TENM2: variants seen among roughly 807,000 people sequenced by gnomAD.
TENM2 encodes teneurin-2.
Under a neutral mutation model 245.2 loss-of-function variants are expected in TENM2, and 52 were observed. The ratio of observed to expected loss-of-function variants is 0.21; its 90% CI spans 0.17 to 0.27. The LOEUF is 0.27. TENM2 is among the 10% of genes least tolerant of loss of function. The pLI, the probability that TENM2 is intolerant of heterozygous loss-of-function variation, is 1.00. For synonymous variants in TENM2, 1,363 were observed against 1,438.9 expected (o/e 0.95, Z 1.19); for missense variants, 3,046 against 3,666.8 (o/e 0.83, Z 4.37).
chr5:167,155,640 C>T, the TENM2 span, among the ~76,000 whole-genome samples: 1 of 152,162 alleles, frequency 6.6e-6, no homozygotes, highest in Admixed American at 6.5e-5. Context: ...TAGTGTTCCG[C>T]GCTAGGAGCT....
chr5:167,898,201 C>T (rs1166836911), intron 3 of TENM2, among the ~76,000 whole-genome samples: 1 of 152,112 alleles, frequency 6.6e-6, no homozygotes, highest in Non-Finnish European at 1.5e-5. Context: ...AAATTTTGGT[C>T]CTCACAGACA....
intron 2 of TENM2, among the ~76,000 whole-genome samples, chr5:167,553,246 G>C (rs1322206427): frequency 6.6e-6 from 1 of 152,190 alleles, no homozygotes; most frequent in Admixed American, 6.5e-5. Context: ...CTGGCTCAAT[G>C]GTGACAGGGA....
At chr5:168,094,419 G>A (rs564524513) in intron 8 of TENM2, among the ~76,000 whole-genome samples, 10 of 152,074 alleles carry the variant, frequency 6.6e-5, no homozygotes, top group Non-Finnish European at 1.3e-4. Flanking sequence ...ACCATCCCCA[G>A]ACCCAGATGC....
At chr5:167,048,683 A>C in the TENM2 span, among the ~76,000 whole-genome samples, 3 of 152,220 alleles carry the variant, frequency 2.0e-5, no homozygotes, top group Admixed American at 6.5e-5. Context: ...ATTACTCTAC[A>C]CAATGAACAA....
chr5:167,845,549 G>T lies in TENM2; in HGVS notation c.503-30437G>T, dbSNP rs1005748958. On this transcript the variant is annotated intron_variant, in intron 2 of 28. Coordinates refer to ENST00000518659, the Ensembl canonical transcript of TENM2. ...ACCCCTTTAACATTAACTTGTTCCAGTGTTGGGCAGGTCACATAGATGCTT... is the reference window on the plus strand; with the variant it reads ...ACCCCTTTAACATTAACTTGTTCCATTGTTGGGCAGGTCACATAGATGCTT... 5.9e-5 allele frequency among the ~76,000 whole-genome samples: 9 copies of T among 152,156 alleles called. 1 individual carries two copies. The highest frequency in any genetic ancestry group is 2.2e-4 in the African/African-American group (9 of 41,506).
At chr5:168,188,040 T>C (rs1358432614) in intron 13 of TENM2, among the ~76,000 whole-genome samples, 1 of 152,186 alleles carries the variant, frequency 6.6e-6, no homozygotes, top group Non-Finnish European at 1.5e-5. Context: ...GTTTTAGTAA[T>C]TTAAAGCCAG....
chr5:166,992,008 C>T, the TENM2 span, among the ~76,000 whole-genome samples: 1 of 150,308 alleles, frequency 6.7e-6, no homozygotes, highest in Non-Finnish European at 1.5e-5. Flanking sequence ...GAGTAACATT[C>T]AGAGATTTCT....
chr5:167,935,500 A>T (rs1778634816), intron 3 of TENM2, among the ~76,000 whole-genome samples: 1 of 151,908 alleles, frequency 6.6e-6, no homozygotes. Flanking sequence ...CGTTATTGCA[A>T]CTCCCCTTCA....
At chr5:168,253,464 C>T (rs1767332447) in intron 27 of TENM2, among the ~76,000 whole-genome samples, 1 of 140,434 alleles carries the variant, frequency 7.1e-6, no homozygotes, top group Admixed American at 7.6e-5. Context: ...CTCACTCTGT[C>T]GCCCAGGCTG....
At chr5:167,549,105 G>T (rs1172951781) in intron 2 of TENM2, among the ~76,000 whole-genome samples, 2 of 152,050 alleles carry the variant, frequency 1.3e-5, no homozygotes, top group Non-Finnish European at 2.9e-5. Flanking sequence ...AACTGTGTTT[G>T]TGGTGGTATA....
At chr5:168,262,664 G>A in exon 29 of TENM2, 1 of 1,608,194 alleles carries the variant, frequency 6.2e-7, no homozygotes, top group Non-Finnish European at 8.5e-7. Flanking sequence ...CCTGTGGACT[G>A]AGGGCGAGAA....
At chr5:168,163,577 CT>C (rs1372442712) in intron 13 of TENM2, among the ~76,000 whole-genome samples, 2 of 152,184 alleles carry the variant, frequency 1.3e-5, no homozygotes. Flanking sequence ...ATGTCCATCG[CT>C]TCCCAAAGTT....
intron 2 of TENM2, among the ~76,000 whole-genome samples, chr5:167,684,517 G>T (rs1449593337): frequency 6.6e-6 from 1 of 152,204 alleles, no homozygotes; most frequent in Non-Finnish European, 1.5e-5. Context: ...CTCAGATAGA[G>T]CTTGGGTAAT....
chr5:167,707,650 G>T (rs1021252345), intron 2 of TENM2, among the ~76,000 whole-genome samples: 8 of 152,180 alleles, frequency 5.3e-5, no homozygotes, highest in South Asian at 2.1e-4. Flanking sequence ...AGCATGAATT[G>T]TACATAGTAT....
chr5:167,327,764 G>C (rs1757175482), intron 1 of TENM2, among the ~76,000 whole-genome samples: 1 of 152,194 alleles, frequency 6.6e-6, no homozygotes, highest in Non-Finnish European at 1.5e-5. Context: ...ACAGAGACAT[G>C]ATGTTAGAGA....
chr5:168,090,916 C>T (rs77683889), intron 8 of TENM2, 147 bp downstream of exon 10: 207 of 667,210 alleles, frequency 3.1e-4, no homozygotes, highest in Non-Finnish European at 4.9e-4. Context: ...TAGTGTCACC[C>T]ACCTGAAACT....
chr5:167,478,980 C>T (rs1015192437), intron 2 of TENM2, among the ~76,000 whole-genome samples: 4 of 37,286 alleles, frequency 1.1e-4, no homozygotes, highest in African/African-American at 1.8e-4. Context: ...CATATGACTA[C>T]TTTATATATA....
In TENM2 at chr5:167,890,382, A is replaced by C. The variant is rs545616201; in HGVS notation, c.712+14187A>C. On this transcript the variant is annotated intron_variant, in intron 3 of 28. Transcript: ENST00000518659. ...GGTGATGATAATGATATTAAATAAT[A>C]ATCATCATCACTTATGTTTGTGTAA... is the stretch of plus-strand genomic sequence containing the variant. Among the ~76,000 whole-genome samples, 5 of 152,286 alleles carry C rather than the reference A, an allele frequency of 3.3e-5. No individual in the cohort carries two copies. In the South Asian group the frequency reaches 1.0e-3, roughly 32 times the overall value.
chr5:168,179,815 G>T (rs1375810902), intron 13 of TENM2, among the ~76,000 whole-genome samples: 1 of 152,170 alleles, frequency 6.6e-6, no homozygotes, highest in Non-Finnish European at 1.5e-5. Flanking sequence ...GATTCTGGTG[G>T]TGTCTTAATA....
Sources: allele counts gnomAD v4.1 joint callset (sites outside exome capture counted in the v4.1 genomes callset), GRCh38; gene constraint gnomAD v4.1.1; transcripts MANE v1.5; gene names NCBI Gene and HGNC (gene_info 2026-07-23, HGNC 2026-07-21).